ST3GAL6: variants seen among roughly 807,000 people sequenced by gnomAD.
The protein encoded by ST3GAL6 is ST3 beta-galactoside alpha-2,3-sialyltransferase 6.
ST3GAL6 carries 31 observed loss-of-function variants against 40.5 expected under a neutral mutation model. The observed-to-expected ratio is 0.77, with a 90% CI of 0.58 to 1.03. The LOEUF (loss-of-function observed/expected upper bound fraction) is 1.03. ST3GAL6 is among the 50% of genes least tolerant of loss of function. ST3GAL6 has a pLI of 0.00. For synonymous variants in ST3GAL6, 129 were observed against 136.9 expected, an observed-to-expected ratio of 0.94 and a Z score of 0.40; for missense variants, 357 against 393.2, an observed-to-expected ratio of 0.91 and a Z score of 0.78.
At chr3:98,751,869 T>C (rs1937032154) in intron 1 of ST3GAL6, among the ~76,000 whole-genome samples, 1 of 152,248 alleles carries the variant, frequency 6.6e-6, no homozygotes, top group Non-Finnish European at 1.5e-5. Flanking sequence ...TTAAAAACTT[T>C]CTTTGGTAAA....
chr3:98,769,267 A>G (rs1347691131), intron 2 of ST3GAL6, among the ~76,000 whole-genome samples: 1 of 152,208 alleles, frequency 6.6e-6, no homozygotes, highest in Non-Finnish European at 1.5e-5. Flanking sequence ...ATTTGATTTC[A>G]TTACTGGTTG....
chr3:98,741,113 T>C (rs1936051627), intron 1 of ST3GAL6, among the ~76,000 whole-genome samples: 1 of 151,070 alleles, frequency 6.6e-6, no homozygotes, highest in African/African-American at 2.4e-5. Context: ...TGCTTTCAAG[T>C]GGAGTTAGGG....
intron 1 of ST3GAL6, chr3:98,733,639 G>A (rs1392001270): frequency 1.0e-6 from 1 of 982,280 alleles, no homozygotes; most frequent in African/African-American, 1.7e-5. Context: ...CAAGATAAGG[G>A]AGAAGCAACT....
intron 5 of ST3GAL6, chr3:98,782,097 C>A: frequency 1.6e-6 from 1 of 622,702 alleles, no homozygotes; most frequent in African/African-American, 1.8e-5. Flanking sequence ...CTCAGCCATA[C>A]TACATGGCCC....
At chr3:98,763,519 G>A in intron 1 of ST3GAL6, 80 bp downstream of exon 1, 2 of 1,240,798 alleles carry the variant, frequency 1.6e-6, no homozygotes, top group South Asian at 2.5e-5. Flanking sequence ...TAGACATTAG[G>A]TGCCCACAGG....
At chr3:98,791,593 G>T (rs143251296) in intron 8 of ST3GAL6, among the ~76,000 whole-genome samples, 71 of 152,176 alleles carry the variant, frequency 4.7e-4, no homozygotes, top group African/African-American at 1.7e-3. Context: ...GTTGTCCTCT[G>T]GGCTAATACC....
At chr3:98,760,757 A>G (rs1172193261), upstream of ST3GAL6, among the ~76,000 whole-genome samples, 1 of 152,258 alleles carries the variant, frequency 6.6e-6, no homozygotes, top group Non-Finnish European at 1.5e-5. Flanking sequence ...TTGCACTTGA[A>G]TGTTTAATGC....
intron 1 of ST3GAL6, among the ~76,000 whole-genome samples, chr3:98,734,710 T>A (rs1935377642): frequency 6.6e-6 from 1 of 152,142 alleles, no homozygotes; most frequent in Non-Finnish European, 1.5e-5. Flanking sequence ...CCTTTGAGGC[T>A]CAAGAATAGA....
At chr3:98,748,604 A>T (rs1040855288) in intron 1 of ST3GAL6, among the ~76,000 whole-genome samples, 7 of 152,188 alleles carry the variant, frequency 4.6e-5, no homozygotes, top group South Asian at 4.1e-4. Context: ...AGCTGGAATT[A>T]CAGGCGCCTG....
chr3:98,759,462 T>C (rs1394624315), upstream of ST3GAL6, among the ~76,000 whole-genome samples: 1 of 152,208 alleles, frequency 6.6e-6, no homozygotes, highest in African/African-American at 2.4e-5. Flanking sequence ...TATTTATTCA[T>C]TTATTGACTT....
chr3:98,781,245 G>A (rs1196646935), intron 5 of ST3GAL6, among the ~76,000 whole-genome samples: 8 of 152,066 alleles, frequency 5.3e-5, no homozygotes, highest in South Asian at 2.1e-4. Flanking sequence ...ACCAAACACT[G>A]CATGTTCTCA....
chr3:98,756,666 C>G (rs1373192298), intron 1 of ST3GAL6: 4 of 813,990 alleles, frequency 4.9e-6, no homozygotes, highest in Non-Finnish European at 6.3e-6. Flanking sequence ...AATACAGGTG[C>G]CTGCTATTTT....
chr3:98,789,214 G>A (rs1284095102), intron 8 of ST3GAL6, among the ~76,000 whole-genome samples: 1 of 152,110 alleles, frequency 6.6e-6, no homozygotes, highest in Non-Finnish European at 1.5e-5. Flanking sequence ...TATACATCAT[G>A]TATTTTCATG....
chr3:98,774,097 T>G, intron 5 of ST3GAL6, 114 bp downstream of exon 5: 1 of 803,508 alleles, frequency 1.2e-6, no homozygotes, highest in South Asian at 1.7e-5. Context: ...ATAGCGTTTG[T>G]GCATAACCAA....
intron 1 of ST3GAL6, among the ~76,000 whole-genome samples, chr3:98,751,847 TGTA>T: frequency 6.6e-6 from 1 of 152,244 alleles, no homozygotes; most frequent in Non-Finnish European, 1.5e-5. Flanking sequence ...ATAATCTTCA[TGTA>T]GTCAACTTTT....
At chr3:98,762,969 A>AT, upstream of ST3GAL6, 4 of 985,436 alleles carry the variant, frequency 4.1e-6, no homozygotes, top group Non-Finnish European at 4.8e-6. Flanking sequence ...TCCTTGGGAT[A>AT]TGAATGAAGC....
At chr3:98,761,952 A>G (rs966785262), upstream of ST3GAL6, among the ~76,000 whole-genome samples, 3 of 152,204 alleles carry the variant, frequency 2.0e-5, no homozygotes, top group African/African-American at 4.8e-5. Flanking sequence ...TTCTGCTGAG[A>G]AGTCATTTCT....
chr3:98,771,258 T>C (rs1938958159), intron 3 of ST3GAL6: 2 of 867,864 alleles, frequency 2.3e-6, no homozygotes, highest in Non-Finnish European at 3.2e-6. Flanking sequence ...GTTTTATTTT[T>C]CCCCCTTGTT....
At chr3:98,751,820 A>C (rs961673492) in intron 1 of ST3GAL6, among the ~76,000 whole-genome samples, 6 of 152,230 alleles carry the variant, frequency 3.9e-5, no homozygotes, top group African/African-American at 1.4e-4. Context: ...ACATATGCAT[A>C]TGTCTAACAA....
Sources: gnomAD v4.1 joint callset for allele counts (sites outside exome capture counted in the v4.1 genomes callset) on GRCh38, gnomAD v4.1.1 for gene constraint, MANE v1.5 for transcripts, NCBI Gene and HGNC (gene_info 2026-07-23, HGNC 2026-07-21) for gene names.